Variants in RAB7A observed in about 807,000 individuals in gnomAD.
The protein encoded by RAB7A is RAB7A, member RAS oncogene family.
Under a neutral mutation model 24.5 loss-of-function variants are expected in RAB7A, and 2 were observed. The ratio of observed to expected loss-of-function variants is 0.08; its 90% CI spans 0.03 to 0.26. RAB7A has a LOEUF of 0.26. RAB7A is among the 10% of genes least tolerant of loss of function. The pLI, the probability that RAB7A is intolerant of heterozygous loss-of-function variation, is 1.00. For missense variants in RAB7A, 118 were observed against 255.7 expected (o/e 0.46, Z 3.67); for synonymous variants, 100 against 95.9 (o/e 1.04, Z -0.25).
intron 1 of RAB7A, among the ~76,000 whole-genome samples, chr3:128,754,161 CTAG>C (rs770550099): frequency 2.0e-5 from 3 of 151,954 alleles, no homozygotes; most frequent in African/African-American, 4.8e-5. Context: ...ATTATAAAAG[CTAG>C]TAGTGTTTCT....
chr3:128,798,302 TA>T (rs1003516628), intron 3 of RAB7A: 19 of 459,184 alleles, frequency 4.1e-5, no homozygotes, highest in East Asian at 9.3e-5. Context: ...AAATTCTTCT[TA>T]AAAAAAAACT....
At position 128,813,451 on chromosome 3, in the gene RAB7A, C is replaced by CT. The variant is rs1559799320; in HGVS notation, c.*31dup. ...GGCAGTGAGAGTTGAGCACAGAGTC[C>CT]TTCACAAACCAAGAACACACGTAGG... On this transcript the variant is annotated 3_prime_UTR_variant, in exon 6 of 6. Transcript: ENST00000265062. 1 of 1,593,550 alleles carries CT rather than the reference C, an allele frequency of 6.3e-7. No individual in the cohort carries two copies. The highest frequency in any genetic ancestry group is 8.6e-7 in the Non-Finnish European group (1 of 1,161,932).
At chr3:128,743,654 A>C (rs1484945114) in intron 1 of RAB7A, among the ~76,000 whole-genome samples, 2 of 152,204 alleles carry the variant, frequency 1.3e-5, no homozygotes, top group Non-Finnish European at 2.9e-5. Context: ...ACAGTCTCTG[A>C]ACAAAATCAA....
At chr3:128,734,316 A>G (rs531496085) in intron 1 of RAB7A, among the ~76,000 whole-genome samples, 2 of 152,038 alleles carry the variant, frequency 1.3e-5, no homozygotes, top group African/African-American at 4.8e-5. Flanking sequence ...TTGTAATTCC[A>G]GCTACTTGGG....
At chr3:128,778,170 T>C (rs1168466465) in intron 1 of RAB7A, among the ~76,000 whole-genome samples, 1 of 152,168 alleles carries the variant, frequency 6.6e-6, no homozygotes, top group African/African-American at 2.4e-5. Flanking sequence ...ACCAACACTG[T>C]ATAGTAGAAC....
intron 3 of RAB7A, among the ~76,000 whole-genome samples, chr3:128,801,376 C>A (rs1040495417): frequency 5.0e-4 from 14 of 28,148 alleles, no homozygotes; most frequent in African/African-American, 2.2e-3. Context: ...GTGTTCTTAT[C>A]ACAAAAAGTA....
chr3:128,743,858 C>T (rs1275862116), intron 1 of RAB7A, among the ~76,000 whole-genome samples: 15 of 148,922 alleles, frequency 1.0e-4, no homozygotes, highest in African/African-American at 2.7e-4. Context: ...GGCATGATTT[C>T]GGCTCACTGC....
chr3:128,813,593 ACACACACACG>A lies in RAB7A; in HGVS notation c.*181_*190del, dbSNP rs1933975096. 3 of 603,960 alleles carry A rather than the reference ACACACACACG, an allele frequency of 5.0e-6. No individual in the cohort carries two copies. The highest frequency in any genetic ancestry group is 1.6e-5 in the South Asian group (1 of 63,184). 37.4% of individuals were successfully genotyped at this position (603,960 alleles called of 1,614,324 possible). A position where few individuals can be genotyped will look rare whatever the true frequency, so the allele number is the denominator to read the frequency against. ...TACACCCCACATATCTCTCACACAC[ACACACACACG>A]CACACACACACACACAGATCTGACG... On this transcript the variant is annotated 3_prime_UTR_variant, in exon 6 of 6. Coordinates refer to ENST00000265062, the MANE Select transcript of RAB7A (RefSeq NM_004637.6).
chr3:128,773,618 A>C (rs1357507414), intron 1 of RAB7A, among the ~76,000 whole-genome samples: 1 of 152,242 alleles, frequency 6.6e-6, no homozygotes, highest in East Asian at 1.9e-4. Flanking sequence ...AGAACAGGCC[A>C]TGATGACGAT....
chr3:128,812,100 A>G (rs1429616136), intron 5 of RAB7A, among the ~76,000 whole-genome samples: 1 of 152,110 alleles, frequency 6.6e-6, no homozygotes, highest in Non-Finnish European at 1.5e-5. Flanking sequence ...CTTTCTGAAT[A>G]TACTAAAAAC....
chr3:128,728,227 T>C (rs1232440751), intron 1 of RAB7A, among the ~76,000 whole-genome samples: 1 of 152,212 alleles, frequency 6.6e-6, no homozygotes. Flanking sequence ...GCGGTAGAAC[T>C]TGAGGCTTTT....
chr3:128,757,216 G>A (rs1326807445), intron 1 of RAB7A, among the ~76,000 whole-genome samples: 1 of 152,056 alleles, frequency 6.6e-6, no homozygotes, highest in East Asian at 1.9e-4. Flanking sequence ...CAGAGACTAT[G>A]CAAATTAAGC....
At chr3:128,756,624 T>G (rs2070731685) in intron 1 of RAB7A, among the ~76,000 whole-genome samples, 1 of 152,138 alleles carries the variant, frequency 6.6e-6, no homozygotes, top group African/African-American at 2.4e-5. Flanking sequence ...AAAATCTCAA[T>G]GATGGTTTTG....
chr3:128,812,706 A>C (rs1277463697), intron 5 of RAB7A, among the ~76,000 whole-genome samples: 1 of 152,230 alleles, frequency 6.6e-6, no homozygotes, highest in Non-Finnish European at 1.5e-5. Flanking sequence ...ATGGTGATAA[A>C]ATTCATTCAC....
At chr3:128,771,071 G>A (rs2070880806) in intron 1 of RAB7A, among the ~76,000 whole-genome samples, 2 of 151,896 alleles carry the variant, frequency 1.3e-5, no homozygotes, top group African/African-American at 4.8e-5. Flanking sequence ...CCGGGTTCAA[G>A]CGATTTTCCC....
intron 1 of RAB7A, among the ~76,000 whole-genome samples, chr3:128,728,860 A>G (rs1190182305): frequency 2.6e-5 from 4 of 152,176 alleles, no homozygotes; most frequent in Non-Finnish European, 5.9e-5. Flanking sequence ...TACATTTGGC[A>G]TGCTGGATTT....
chr3:128,738,072 G>T (rs1444528715), intron 1 of RAB7A, among the ~76,000 whole-genome samples: 2 of 151,570 alleles, frequency 1.3e-5, no homozygotes, highest in South Asian at 2.1e-4. Flanking sequence ...TCTCACTGTT[G>T]CCCAGGCTGG....
At chr3:128,747,017 A>G (rs1021243382) in intron 1 of RAB7A, among the ~76,000 whole-genome samples, 5 of 151,828 alleles carry the variant, frequency 3.3e-5, no homozygotes, top group South Asian at 2.1e-4. Context: ...TAACTGAAAC[A>G]TAATAGGCTG....
chr3:128,751,105 A>C (rs1231130437), intron 1 of RAB7A, among the ~76,000 whole-genome samples: 3 of 152,208 alleles, frequency 2.0e-5, no homozygotes, highest in African/African-American at 7.2e-5. Context: ...TCCAGGCAGA[A>C]GTTTACTGCA....
Sources: allele counts gnomAD v4.1 joint callset (sites outside exome capture counted in the v4.1 genomes callset), GRCh38; gene constraint gnomAD v4.1.1; transcripts MANE v1.5; gene names NCBI Gene and HGNC (gene_info 2026-07-23, HGNC 2026-07-21).